NOL4: variants seen among roughly 807,000 people sequenced by gnomAD.
NOL4 encodes the protein nucleolar protein 4.
NOL4 carries 17 observed loss-of-function variants against 75.9 expected under a neutral mutation model. The observed-to-expected ratio is 0.22, with a 90% CI of 0.15 to 0.34. The LOEUF (loss-of-function observed/expected upper bound fraction) is 0.34. Ranked by LOEUF, NOL4 falls within the 10% of genes least tolerant of loss-of-function variation. The pLI, the probability that NOL4 is intolerant of heterozygous loss-of-function variation, is 1.00. For missense variants in NOL4, 614 were observed against 793.5 expected, an observed-to-expected ratio of 0.77 and a Z score of 2.72; for synonymous variants, 292 against 289.9, an observed-to-expected ratio of 1.01 and a Z score of -0.07.
At chr18:34,012,755 A>T (rs1232596594) in intron 6 of NOL4, among the ~76,000 whole-genome samples, 1 of 152,038 alleles carries the variant, frequency 6.6e-6, no homozygotes, top group African/African-American at 2.4e-5. Context: ...TAAAACATCA[A>T]AAGCAAAACT....
chr18:33,972,825 A>G (rs1447570299), intron 6 of NOL4, among the ~76,000 whole-genome samples: 2 of 152,330 alleles, frequency 1.3e-5, no homozygotes, highest in South Asian at 2.1e-4. Flanking sequence ...CTCTATTTCT[A>G]AAAAATGCCA....
chr18:34,025,596 A>G (rs935570164), intron 5 of NOL4, among the ~76,000 whole-genome samples: 1 of 152,156 alleles, frequency 6.6e-6, no homozygotes, highest in African/African-American at 2.4e-5. Context: ...GGCTCTATGT[A>G]TGTCATTTTA....
intron 8 of NOL4, among the ~76,000 whole-genome samples, chr18:33,952,816 C>A (rs976523912): frequency 1.3e-5 from 2 of 152,080 alleles, no homozygotes; most frequent in African/African-American, 4.8e-5. Flanking sequence ...CCCAGCTACT[C>A]AGGAGGCTGA....
At chr18:33,858,712 A>G (rs539536427) in intron 10 of NOL4, among the ~76,000 whole-genome samples, 1 of 151,940 alleles carries the variant, frequency 6.6e-6, no homozygotes, top group East Asian at 1.9e-4. Flanking sequence ...TCTTTTATCC[A>G]TTTTTCCTTC....
chr18:34,060,084 TA>T (rs1464699249), intron 5 of NOL4, among the ~76,000 whole-genome samples: 3 of 152,164 alleles, frequency 2.0e-5, no homozygotes, highest in Non-Finnish European at 4.4e-5. Context: ...CAAGAGATAC[TA>T]AAGTGGTTAT....
rs1462749677 is a variant in NOL4, at chr18:34,223,679, T to TG, written c.-427dup. 1 of 155,914 alleles carries TG rather than the reference T, an allele frequency of 6.4e-6. No homozygotes were observed. Among genetic ancestry groups the TG allele is most frequent in the African/African-American group, 2.4e-5 (1 of 41,446 alleles). The allele number at this position is 155,914 out of a possible 1,614,324, so 9.7% of individuals were successfully genotyped here. A position where few individuals can be genotyped will look rare whatever the true frequency, so the allele number is the denominator to read the frequency against. ...CTCGCCCCCGGGCTGCGTCCGGGGC[T>TG]GGGCAGGTGGAGCGCAGCGCCGCCT... On this transcript the variant is annotated 5_prime_UTR_variant, in exon 1 of 11. Transcript: ENST00000261592.
intron 6 of NOL4, among the ~76,000 whole-genome samples, chr18:33,961,737 C>A (rs2070143390): frequency 6.6e-6 from 1 of 151,942 alleles, no homozygotes; most frequent in Admixed American, 6.6e-5. Context: ...AGAGGCCATC[C>A]ATTCATCACT....
intron 6 of NOL4, among the ~76,000 whole-genome samples, chr18:33,996,043 A>G (rs74543185): frequency 0.024 from 3,609 of 151,922 alleles, 57 homozygotes; most frequent in Non-Finnish European, 0.035. Flanking sequence ...AATAGTATCT[A>G]CTTCAGCTAA....
intron 5 of NOL4, among the ~76,000 whole-genome samples, chr18:34,032,659 C>T (rs1487597106): frequency 6.6e-6 from 1 of 152,074 alleles, no homozygotes; most frequent in East Asian, 1.9e-4. Flanking sequence ...TTACCTTCAC[C>T]CATGCCATTC....
intron 10 of NOL4, among the ~76,000 whole-genome samples, chr18:33,879,579 G>C (rs1322321398): frequency 2.0e-5 from 3 of 152,060 alleles, no homozygotes; most frequent in African/African-American, 7.2e-5. Flanking sequence ...TACTCTGGAG[G>C]CTGAGATGGG....
intron 6 of NOL4, 92 bp from the exon 7 acceptor site, chr18:33,958,510 A>ACAAG: frequency 8.4e-7 from 1 of 1,196,058 alleles, no homozygotes; most frequent in Non-Finnish European, 1.2e-6. Context: ...GTTTCTCAAA[A>ACAAG]ATCTTGTTTA....
chr18:34,212,339 A>G (rs1265805810), intron 1 of NOL4, among the ~76,000 whole-genome samples: 2 of 152,260 alleles, frequency 1.3e-5, no homozygotes, highest in Non-Finnish European at 2.9e-5. Flanking sequence ...ATGGCAATAC[A>G]TAAGGTATTA....
chr18:34,217,294 A>AT (rs973740706), intron 1 of NOL4, among the ~76,000 whole-genome samples: 11 of 150,928 alleles, frequency 7.3e-5, no homozygotes, highest in East Asian at 1.9e-4. Flanking sequence ...TTATTTATTT[A>AT]TTTTTTTTGA....
chr18:33,958,277 T>C lies in NOL4; in HGVS notation c.1198A>G (p.Thr400Ala). 1.9e-6 allele frequency: 3 copies of C among 1,613,780 alleles called. No individual in the cohort carries two copies. Among genetic ancestry groups the C allele is most frequent in the Non-Finnish European group, 1.7e-6 (2 of 1,179,748 alleles). ...AGCCGCTCGGCTTCAACGCCGTCTGTCTCATTAACTTTCTCCGAATCGTCA... is the reference window on the plus strand; with the variant it reads ...AGCCGCTCGGCTTCAACGCCGTCTGCCTCATTAACTTTCTCCGAATCGTCA... ...DHDDSEKVNETDGVEAERLKA... is the reference protein window; with the variant it reads ...DHDDSEKVNEADGVEAERLKA... Residue 400 changes from threonine (T) to alanine (A), a missense_variant, in exon 7 of 11, where the codon ACA becomes GCA. Physicochemically the swap from Thr to Ala is moderately conservative, Grantham distance 58. Transcript: ENST00000261592.
intron 1 of NOL4, among the ~76,000 whole-genome samples, chr18:34,135,711 A>AAAAAAAAT (rs71159858): frequency 1.3e-5 from 2 of 150,292 alleles, no homozygotes; most frequent in Admixed American, 6.6e-5. Flanking sequence ...AAAAAAAAAA[A>AAAAAAAAT]GCTTTTCACA....
intron 5 of NOL4, among the ~76,000 whole-genome samples, chr18:34,073,992 C>T (rs1047793255): frequency 3.3e-5 from 5 of 151,372 alleles, no homozygotes; most frequent in Non-Finnish European, 5.9e-5. Flanking sequence ...TATATAATGT[C>T]TAACTAAGGA....
intron 1 of NOL4, among the ~76,000 whole-genome samples, chr18:34,147,497 TGTTTATGTGATGGATTAC>T (rs2081453025): frequency 6.6e-6 from 1 of 152,190 alleles, no homozygotes; most frequent in East Asian, 1.9e-4. Flanking sequence ...TCATTGGTTC[TGTTTATGTGATGGATTAC>T]GTTTATTGAT....
chr18:34,093,201 G>T (rs2078608823), intron 5 of NOL4, among the ~76,000 whole-genome samples: 1 of 152,106 alleles, frequency 6.6e-6, no homozygotes, highest in Non-Finnish European at 1.5e-5. Flanking sequence ...CATATTTTAA[G>T]TTCAGGGAGC....
At chr18:34,003,656 C>T (rs1021595317) in intron 6 of NOL4, among the ~76,000 whole-genome samples, 1 of 152,092 alleles carries the variant, frequency 6.6e-6, no homozygotes, top group Non-Finnish European at 1.5e-5. Context: ...TACTGCCTCA[C>T]CTCTGGTATA....
Sources: gnomAD v4.1 joint callset for allele counts (sites outside exome capture counted in the v4.1 genomes callset) on GRCh38, gnomAD v4.1.1 for gene constraint, MANE v1.5 for transcripts, NCBI Gene and HGNC (gene_info 2026-07-23, HGNC 2026-07-21) for gene names.